Variants in MYOM1 observed in about 807,000 individuals in gnomAD.
MYOM1 encodes myomesin 1.
In MYOM1, 164 loss-of-function variants were observed where a neutral mutation model predicts 205.3. The observed-to-expected ratio is 0.80, with a 90% CI of 0.70 to 0.91. The LOEUF is 0.91. Among genes scored for constraint, MYOM1 ranks in the 40% least tolerant of loss-of-function variants. The pLI, the probability that MYOM1 is intolerant of heterozygous loss-of-function variation, is 0.00. For missense variants in MYOM1, 2,011 were observed against 2,127.3 expected, an observed-to-expected ratio of 0.95 and a Z score of 1.08; for synonymous variants, 772 against 789.4, an observed-to-expected ratio of 0.98 and a Z score of 0.37.
rs567932755 is a variant in MYOM1, at chr18:3,155,466, C to T, written c.1502-378G>A. Among the ~76,000 whole-genome samples the T allele has an allele frequency of 1.6e-4, 25 of 152,282 alleles. No homozygotes were observed. In the South Asian group the frequency reaches 1.9e-3, roughly 11 times the overall value. The stretch of plus-strand genomic sequence containing the variant: ...GTCTTGATCTCCTGACCTTGTGATC[C>T]GCCCGCCTCGGCCTCCCAAAGTGCT... On this transcript the variant is annotated intron_variant, in intron 10 of 37. Coordinates refer to ENST00000356443, the MANE Select transcript of MYOM1 (RefSeq NM_003803.4).
chr18:3,133,535 G>A (rs146889383), intron 16 of MYOM1, among the ~76,000 whole-genome samples: 3 of 152,264 alleles, frequency 2.0e-5, no homozygotes, highest in African/African-American at 2.4e-5. Context: ...AACTATGTCT[G>A]CTTAGCACTG....
chr18:3,131,977 T>C (rs569747848), intron 16 of MYOM1, among the ~76,000 whole-genome samples: 195 of 149,436 alleles, frequency 1.3e-3, no homozygotes, highest in African/African-American at 4.5e-3. Flanking sequence ...GCCTGGCATA[T>C]ATGAGGTACT....
At chr18:3,084,888 G>T (rs543163424) in intron 31 of MYOM1, among the ~76,000 whole-genome samples, 157 bp downstream of exon 31, 49 of 152,188 alleles carry the variant, frequency 3.2e-4, no homozygotes, top group Admixed American at 7.8e-4. Flanking sequence ...AGGTATTTTT[G>T]AATAAAACAG....
chr18:3,067,026 T>G lies in MYOM1; in HGVS notation c.*236A>C. The G allele has an allele frequency of 1.9e-6, 1 of 522,478 alleles. No individual in the cohort carries two copies. The highest frequency in any genetic ancestry group is 2.5e-5 in the South Asian group (1 of 40,438). 32.4% of individuals were successfully genotyped at this position (522,478 alleles called of 1,614,324 possible). On this transcript the variant is annotated 3_prime_UTR_variant, in exon 38 of 38. Transcript: ENST00000356443. Reference sequence around the variant, plus strand: ...TTCATTCAAGTCTTCTCCTTAAAACTGTTTCCTAATCTTCATGCTATGAAT... The same window carrying G: ...TTCATTCAAGTCTTCTCCTTAAAACGGTTTCCTAATCTTCATGCTATGAAT...
chr18:3,188,470 A>G (rs1295971322), intron 4 of MYOM1, among the ~76,000 whole-genome samples: 1 of 144,162 alleles, frequency 6.9e-6, no homozygotes, highest in Non-Finnish European at 1.5e-5. Context: ...AAAAAAAACA[A>G]CAACGAAAAT....
chr18:3,177,564 C>G lies in MYOM1; in HGVS notation c.930-1430G>C, dbSNP rs533699573. Among the ~76,000 whole-genome samples the G allele has an allele frequency of 5.9e-4, 90 of 151,866 alleles. 1 individual carries two copies. Among genetic ancestry groups the G allele is most frequent in the Middle Eastern group, 3.4e-3 (1 of 294 alleles). On this transcript the variant is annotated intron_variant, in intron 5 of 37. Transcript: ENST00000356443. ...TTGGCTCACTGCAAACTCCACCTCC[C>G]GGGTTCAAGTGATTCTCCTGCCTCA...
chr18:3,193,846 C>T lies in MYOM1; in HGVS notation c.403G>A (p.Asp135Asn). 5.0e-6 allele frequency: 8 copies of T among 1,613,698 alleles called. No individual in the cohort carries two copies. Among genetic ancestry groups the T allele is most frequent in the Non-Finnish European group, 6.8e-6 (8 of 1,179,774 alleles). The change falls in exon 3 of 38, where the codon GAC becomes AAC. Residue 135 changes from aspartate to asparagine, a missense_variant. Asp to Asn is a conservative substitution (Grantham distance 23). Coordinates refer to ENST00000356443, the MANE Select transcript of MYOM1 (RefSeq NM_003803.4). Reference sequence around the variant, plus strand: ...CCTGAGAAAATGGGTACCATGTAGTCACTGGGCAAATTTTCTTTCTCTTCT... The same window carrying T: ...CCTGAGAAAATGGGTACCATGTAGTTACTGGGCAAATTTTCTTTCTCTTCT... ...SGEEKENLPSDYMVPIFSGRQ... is the reference protein window; with the variant it reads ...SGEEKENLPSNYMVPIFSGRQ...
At chr18:3,070,818 G>A (rs2078951652) in intron 37 of MYOM1, among the ~76,000 whole-genome samples, 2 of 151,672 alleles carry the variant, frequency 1.3e-5, no homozygotes, top group Non-Finnish European at 2.9e-5. Context: ...CGCCCGGGCT[G>A]GAGTGATCTT....
Position 3,079,328 on chromosome 18 carries a change from CTAAT to C in MYOM1, c.4495_4498del (p.Ile1499GlyfsTer62). ...CCCGGTCTTAACTCTGTCTGAGTAC[CTAAT>C]GGCGGACCCACTGTGAAAATCGAAG... On this transcript the variant is annotated frameshift_variant, in exon 34 of 38. Coordinates refer to ENST00000356443, the MANE Select transcript of MYOM1 (RefSeq NM_003803.4). LOFTEE classifies it high-confidence loss of function. 6.2e-7 allele frequency: 1 copy of C among 1,610,560 alleles called. No homozygotes were observed. Among genetic ancestry groups the C allele is most frequent in the Non-Finnish European group, 8.5e-7 (1 of 1,177,334 alleles).
At chr18:3,105,892 A>G (rs577967270) in intron 22 of MYOM1, among the ~76,000 whole-genome samples, 9 of 152,238 alleles carry the variant, frequency 5.9e-5, no homozygotes, top group African/African-American at 1.4e-4. Flanking sequence ...TTTTTGTCTC[A>G]ATTGCCTCAG....
chr18:3,176,405 T>C (rs774485874), intron 5 of MYOM1, among the ~76,000 whole-genome samples: 54 of 152,130 alleles, frequency 3.5e-4, no homozygotes, highest in Non-Finnish European at 5.4e-4. Context: ...TCATGTAACA[T>C]AGTTACCGAA....
At chr18:3,116,180 C>A in intron 21 of MYOM1, 151 bp downstream of exon 21, 1 of 775,688 alleles carries the variant, frequency 1.3e-6, no homozygotes, top group South Asian at 2.4e-5. Context: ...GAAACTTCTC[C>A]CAGCCCCAAC....
At chr18:3,157,111 AT>A (rs2080311447) in intron 10 of MYOM1, among the ~76,000 whole-genome samples, 1 of 152,178 alleles carries the variant, frequency 6.6e-6, no homozygotes, top group Admixed American at 6.5e-5. Flanking sequence ...CTAACGGCCT[AT>A]ACCACAACAA....
intron 25 of MYOM1, 41 bp from the exon 26 acceptor site, chr18:3,094,347 C>T: frequency 6.9e-7 from 1 of 1,456,272 alleles, no homozygotes; most frequent in Non-Finnish European, 9.3e-7. Context: ...ATATTGGTAA[C>T]CAATTATATT....
At chr18:3,170,867 CA>C (rs34250063) in intron 8 of MYOM1, among the ~76,000 whole-genome samples, 35,529 of 152,010 alleles carry the variant, frequency 0.23, 4,223 homozygotes, top group Non-Finnish European at 0.26. Flanking sequence ...AATTCACACT[CA>C]TAACTTCTCG....
At chr18:3,137,195 C>G (rs1379203901) in intron 14 of MYOM1, among the ~76,000 whole-genome samples, 2 of 152,080 alleles carry the variant, frequency 1.3e-5, no homozygotes, top group Non-Finnish European at 1.5e-5. Context: ...GTGATCCGCC[C>G]ACCTCAGCCT....
intron 13 of MYOM1, among the ~76,000 whole-genome samples, chr18:3,143,434 G>C (rs2080080837): frequency 1.3e-5 from 2 of 152,226 alleles, no homozygotes; most frequent in East Asian, 3.9e-4. Flanking sequence ...TAAATGAAAA[G>C]CAATGGAAAT....
In MYOM1 at chr18:3,154,992, G is replaced by A. The variant is rs978269307; in HGVS notation, c.1598C>T (p.Pro533Leu). ...KDYIIISWKQ[P>L]AVDGGSPILG... ...AATAGGACTCCCTCCATCGACAGCTGGCTGTTTCCAGGAGATGATGATATA... is the reference window on the plus strand; with the variant it reads ...AATAGGACTCCCTCCATCGACAGCTAGCTGTTTCCAGGAGATGATGATATA... The change falls in exon 11 of 38, where the codon CCA (proline) becomes CTA (leucine). Residue 533 changes from proline to leucine, a missense_variant. Coordinates refer to ENST00000356443, the MANE Select transcript of MYOM1 (RefSeq NM_003803.4). The A allele has an allele frequency of 3.1e-6, 5 of 1,613,026 alleles. No homozygotes were observed. The African/African-American group carries it at 5.3e-5, about 17-fold the overall frequency.
At chr18:3,194,111 T>G (rs958545119) in intron 2 of MYOM1, among the ~76,000 whole-genome samples, 153 bp from the exon 3 acceptor site, 1 of 152,190 alleles carries the variant, frequency 6.6e-6, no homozygotes, top group Non-Finnish European at 1.5e-5. Flanking sequence ...TAAAGTAGAG[T>G]TAGAAAGATT....
Sources: gnomAD v4.1 joint callset for allele counts (sites outside exome capture counted in the v4.1 genomes callset) on GRCh38, gnomAD v4.1.1 for gene constraint, MANE v1.5 for transcripts, NCBI Gene and HGNC (gene_info 2026-07-23, HGNC 2026-07-21) for gene names.